FHIT: variants seen among roughly 807,000 people sequenced by gnomAD.
FHIT encodes the protein bis(5'-adenosyl)-triphosphatase.
In FHIT, 19 loss-of-function variants were observed where a neutral mutation model predicts 17.9. That is an observed-to-expected ratio of 1.06 (90% CI 0.74 to 1.56). The LOEUF is 1.56. Among genes scored for constraint, FHIT ranks in the 40% most tolerant of loss-of-function variants. The probability of loss-of-function intolerance (pLI) is 0.00; values close to 1 mark genes in which losing one functional copy is unlikely to be tolerated. For missense variants in FHIT, 248 were observed against 189.2 expected (o/e 1.31, Z -1.82); for synonymous variants, 81 against 69.7 (o/e 1.16, Z -0.81).
intron 4 of FHIT, among the ~76,000 whole-genome samples, chr3:60,707,715 C>T (rs1392755944): frequency 6.6e-6 from 1 of 152,116 alleles, no homozygotes; most frequent in African/African-American, 2.4e-5. Flanking sequence ...CATTTTTATC[C>T]TATCAGATTA....
At chr3:60,215,892 T>A (rs1346879903) in intron 5 of FHIT, among the ~76,000 whole-genome samples, 1 of 152,156 alleles carries the variant, frequency 6.6e-6, no homozygotes, top group Non-Finnish European at 1.5e-5. Context: ...AATTTTTGGA[T>A]TAATTTTGAA....
At chr3:59,851,933 G>A (rs558788076) in intron 8 of FHIT, among the ~76,000 whole-genome samples, 1 of 152,324 alleles carries the variant, frequency 6.6e-6, no homozygotes, top group Admixed American at 6.5e-5. Context: ...CATACCTGTA[G>A]AACTGATTGT....
At chr3:60,295,357 A>G (rs1349741743) in intron 5 of FHIT, among the ~76,000 whole-genome samples, 2 of 152,154 alleles carry the variant, frequency 1.3e-5, no homozygotes, top group Admixed American at 1.3e-4. Flanking sequence ...AAGCAGCATG[A>G]TGCTAACATC....
chr3:61,203,899 A>C (rs1416838672), intron 1 of FHIT, among the ~76,000 whole-genome samples: 2 of 152,238 alleles, frequency 1.3e-5, no homozygotes, highest in Non-Finnish European at 2.9e-5. Flanking sequence ...TACAATGTTT[A>C]CATTCTACAA....
chr3:60,521,715 G>A (rs2035374365), intron 5 of FHIT, among the ~76,000 whole-genome samples: 1 of 152,108 alleles, frequency 6.6e-6, no homozygotes. Context: ...AAACAAAAAA[G>A]AATAAATGAC....
intron 3 of FHIT, among the ~76,000 whole-genome samples, chr3:60,838,301 G>C (rs1480762481): frequency 6.6e-6 from 1 of 152,010 alleles, no homozygotes; most frequent in African/African-American, 2.4e-5. Context: ...GGTGAAACCC[G>C]TCTCTACTAA....
chr3:59,881,781 T>C (rs1703420133), intron 8 of FHIT, among the ~76,000 whole-genome samples: 1 of 152,206 alleles, frequency 6.6e-6, no homozygotes, highest in Admixed American at 6.5e-5. Context: ...CTGGTTATGG[T>C]CTAAAGATAT....
In FHIT at chr3:60,303,515, T is replaced by C. The variant is rs901017204; in HGVS notation, c.103+233345A>G. 6.6e-5 allele frequency among the ~76,000 whole-genome samples: 10 copies of C among 152,294 alleles called. No homozygotes were observed. In the South Asian group the frequency reaches 1.0e-3, roughly 16 times the overall value. On this transcript the variant is annotated intron_variant, in intron 5 of 9. Coordinates refer to ENST00000492590, the MANE Select transcript of FHIT (RefSeq NM_002012.4). ...GAGCCCTCTCCCGTTGCTGGACCCA[T>C]GGAAGACCATTTCCAGAGCCTTCAG...
At chr3:60,638,557 A>T (rs1188987950) in intron 4 of FHIT, among the ~76,000 whole-genome samples, 1 of 152,152 alleles carries the variant, frequency 6.6e-6, no homozygotes, top group Non-Finnish European at 1.5e-5. Context: ...TACCAGATCA[A>T]TCAAATCACA....
intron 1 of FHIT, among the ~76,000 whole-genome samples, chr3:61,208,296 T>G (rs966201419): frequency 1.3e-5 from 2 of 152,026 alleles, no homozygotes; most frequent in Non-Finnish European, 2.9e-5. Context: ...ATTCTGTTGA[T>G]ATGGGGTGGA....
At chr3:59,999,325 CA>C (rs1699637876) in intron 7 of FHIT, among the ~76,000 whole-genome samples, 2 of 152,080 alleles carry the variant, frequency 1.3e-5, no homozygotes, top group Non-Finnish European at 2.9e-5. Flanking sequence ...TTTTGTGCAG[CA>C]CCACCATCGT....
At chr3:61,006,264 A>C (rs533962417) in intron 3 of FHIT, among the ~76,000 whole-genome samples, 1 of 152,304 alleles carries the variant, frequency 6.6e-6, no homozygotes, top group East Asian at 1.9e-4. Context: ...TTAAGATGCC[A>C]AAAGAAGACT....
chr3:60,337,173 T>C (rs1253161568), intron 5 of FHIT, among the ~76,000 whole-genome samples: 3 of 152,184 alleles, frequency 2.0e-5, no homozygotes, highest in Admixed American at 1.3e-4. Flanking sequence ...TGATAAATTA[T>C]GCTGCTCTAC....
intron 5 of FHIT, among the ~76,000 whole-genome samples, chr3:60,466,071 G>T (rs2032773988): frequency 6.6e-6 from 1 of 151,864 alleles, no homozygotes; most frequent in African/African-American, 2.4e-5. Flanking sequence ...TTACATCAAT[G>T]TTTTATAGAT....
At chr3:59,934,342 C>T (rs1706124303) in intron 7 of FHIT, among the ~76,000 whole-genome samples, 1 of 152,126 alleles carries the variant, frequency 6.6e-6, no homozygotes, top group South Asian at 2.1e-4. Context: ...CAGTTGAACA[C>T]AGCCTAGTAA....
chr3:60,400,038 T>C (rs1219709209), intron 5 of FHIT, among the ~76,000 whole-genome samples: 1 of 152,164 alleles, frequency 6.6e-6, no homozygotes, highest in Non-Finnish European at 1.5e-5. Context: ...AAGTTAGCAA[T>C]GACTAAGCCG....
chr3:60,800,006 A>C (rs1323694140), intron 4 of FHIT, among the ~76,000 whole-genome samples: 1 of 152,214 alleles, frequency 6.6e-6, no homozygotes, highest in Non-Finnish European at 1.5e-5. Context: ...TGAACAAATA[A>C]ATATGAAATG....
intron 4 of FHIT, among the ~76,000 whole-genome samples, chr3:60,561,812 A>G (rs2036958158): frequency 6.6e-6 from 1 of 152,128 alleles, no homozygotes; most frequent in African/African-American, 2.4e-5. Context: ...CCTTTTAGTA[A>G]CTAGTCAGGC....
chr3:60,206,263 G>T (rs1015543376), intron 5 of FHIT, among the ~76,000 whole-genome samples: 3 of 151,722 alleles, frequency 2.0e-5, no homozygotes, highest in Non-Finnish European at 2.9e-5. Flanking sequence ...AATCAAGAGG[G>T]CACCATATTT....
Sources: gnomAD v4.1 joint callset for allele counts (sites outside exome capture counted in the v4.1 genomes callset) on GRCh38, gnomAD v4.1.1 for gene constraint, MANE v1.5 for transcripts, NCBI Gene and HGNC (gene_info 2026-07-23, HGNC 2026-07-21) for gene names.